Variants in RSRC1 observed in about 807,000 individuals in gnomAD.
The protein encoded by RSRC1 is arginine and serine rich coiled-coil 1.
RSRC1 carries 39 observed loss-of-function variants against 49.1 expected under a neutral mutation model. The observed-to-expected ratio is 0.79, with a 90% CI of 0.61 to 1.04. The LOEUF (loss-of-function observed/expected upper bound fraction) is 1.04. Ranked by LOEUF, RSRC1 falls within the 50% of genes least tolerant of loss-of-function variation. The pLI, the probability that RSRC1 is intolerant of heterozygous loss-of-function variation, is 0.00. For synonymous variants in RSRC1, 143 were observed against 130.8 expected (o/e 1.09, Z -0.63); for missense variants, 388 against 402.4 (o/e 0.96, Z 0.31).
chr3:158,335,330 G>T (rs6807211), intron 5 of RSRC1, among the ~76,000 whole-genome samples: 8,461 of 152,134 alleles, frequency 0.056, 795 homozygotes, highest in African/African-American at 0.2. Context: ...AGAGGGTTTG[G>T]CATGAGTGAA....
At chr3:158,146,658 A>G (rs1304215380) in intron 3 of RSRC1, among the ~76,000 whole-genome samples, 1 of 152,206 alleles carries the variant, frequency 6.6e-6, no homozygotes. Context: ...TGAGTTAGGC[A>G]GGATTCCCTC....
chr3:158,309,687 T>A (rs1728025983), intron 5 of RSRC1, among the ~76,000 whole-genome samples: 1 of 151,750 alleles, frequency 6.6e-6, no homozygotes, highest in African/African-American at 2.4e-5. Flanking sequence ...AATGCATAAT[T>A]TTATTTATAT....
chr3:158,283,153 G>T (rs995176507), intron 4 of RSRC1, among the ~76,000 whole-genome samples: 3 of 152,222 alleles, frequency 2.0e-5, no homozygotes, highest in African/African-American at 7.2e-5. Flanking sequence ...GAAAAAAAAT[G>T]TAGACAAGGT....
chr3:158,536,129 C>T (rs865825650), intron 7 of RSRC1, among the ~76,000 whole-genome samples: 3 of 151,412 alleles, frequency 2.0e-5, no homozygotes, highest in African/African-American at 2.4e-5. Context: ...AAGTAGGAAA[C>T]GTGCATCCTG....
At chr3:158,492,379 C>T (rs1739120764) in intron 7 of RSRC1, among the ~76,000 whole-genome samples, 1 of 152,078 alleles carries the variant, frequency 6.6e-6, no homozygotes, top group African/African-American at 2.4e-5. Context: ...GTTTTTAAAG[C>T]CATAATATAT....
intron 5 of RSRC1, among the ~76,000 whole-genome samples, chr3:158,300,884 C>T (rs1404249264): frequency 6.6e-6 from 1 of 151,978 alleles, no homozygotes; most frequent in Non-Finnish European, 1.5e-5. Flanking sequence ...CATAGTTGCC[C>T]TGTTTTTGTG....
At chr3:158,134,239 T>A (rs1201645640) in intron 3 of RSRC1, among the ~76,000 whole-genome samples, 1 of 151,712 alleles carries the variant, frequency 6.6e-6, no homozygotes, top group Admixed American at 6.5e-5. Context: ...GACTGAAGAC[T>A]CTTTAATGAT....
At position 158,289,075 on chromosome 3, in the gene RSRC1, G is replaced by T. The variant is rs568040366; in HGVS notation, c.495-8964G>T. On this transcript the variant is annotated intron_variant, in intron 4 of 9. Coordinates refer to ENST00000611884, the MANE Select transcript of RSRC1 (RefSeq NM_001271838.2). ...AGGGAGCTCAGCAAATAACATTTCT[G>T]TTGTACTTCTTTCACCTTGACATTT... Among the ~76,000 whole-genome samples, 6 of 152,130 alleles carry T rather than the reference G, an allele frequency of 3.9e-5. No individual in the cohort carries two copies. In the East Asian group the frequency reaches 9.6e-4, roughly 24 times the overall value.
intron 7 of RSRC1, among the ~76,000 whole-genome samples, chr3:158,521,755 C>T (rs569457108): frequency 1.5e-4 from 23 of 152,180 alleles, no homozygotes; most frequent in African/African-American, 5.1e-4. Context: ...TTAGTAAAAA[C>T]AAATTAATGG....
intron 6 of RSRC1, among the ~76,000 whole-genome samples, chr3:158,427,875 T>C (rs888366270): frequency 1.3e-5 from 2 of 151,800 alleles, no homozygotes; most frequent in African/African-American, 4.8e-5. Context: ...ATATTATTGC[T>C]TTTTTCTATT....
At chr3:158,353,087 A>G (rs749295479) in intron 5 of RSRC1, among the ~76,000 whole-genome samples, 8 of 152,142 alleles carry the variant, frequency 5.3e-5, no homozygotes, top group African/African-American at 1.2e-4. Context: ...CTAATAACCA[A>G]TCAGTCCTTT....
At chr3:158,495,256 G>GT (rs1429438376) in intron 7 of RSRC1, among the ~76,000 whole-genome samples, 1 of 151,954 alleles carries the variant, frequency 6.6e-6, no homozygotes, top group Middle Eastern at 3.2e-3. Context: ...AATATGAATT[G>GT]TTTTTTGTTT....
chr3:158,224,975 G>C (rs1166133444), intron 4 of RSRC1, among the ~76,000 whole-genome samples: 1 of 151,828 alleles, frequency 6.6e-6, no homozygotes, highest in Non-Finnish European at 1.5e-5. Flanking sequence ...TGTGATAGTA[G>C]AAATACGGTA....
At chr3:158,300,930 T>C (rs111645497) in intron 5 of RSRC1, among the ~76,000 whole-genome samples, 1 of 152,182 alleles carries the variant, frequency 6.6e-6, no homozygotes, top group Non-Finnish European at 1.5e-5. Context: ...TATATAGTTA[T>C]ATGTAACCCT....
At chr3:158,511,999 A>T (rs1229909913) in intron 7 of RSRC1, among the ~76,000 whole-genome samples, 9 of 148,096 alleles carry the variant, frequency 6.1e-5, no homozygotes, top group Non-Finnish European at 1.2e-4. Flanking sequence ...GTTGGAGTTC[A>T]TTGTAGATTC....
intron 7 of RSRC1, among the ~76,000 whole-genome samples, chr3:158,497,528 C>T (rs1487535200): frequency 6.6e-6 from 1 of 151,824 alleles, no homozygotes; most frequent in African/African-American, 2.4e-5. Flanking sequence ...CCTCTGCCCC[C>T]CGGGTTCAAG....
At chr3:158,464,765 T>C (rs1414125349) in intron 7 of RSRC1, among the ~76,000 whole-genome samples, 1 of 152,170 alleles carries the variant, frequency 6.6e-6, no homozygotes, top group East Asian at 1.9e-4. Context: ...ATTAACTGTC[T>C]TAATCATCAT....
chr3:158,185,514 A>C (rs1387044925), intron 3 of RSRC1, among the ~76,000 whole-genome samples: 1 of 151,912 alleles, frequency 6.6e-6, no homozygotes, highest in Non-Finnish European at 1.5e-5. Context: ...TAGCCAACTA[A>C]TGAAATTATT....
chr3:158,275,455 C>A (rs1262200175), intron 4 of RSRC1, among the ~76,000 whole-genome samples: 2 of 152,168 alleles, frequency 1.3e-5, no homozygotes, highest in Non-Finnish European at 1.5e-5. Flanking sequence ...CAGAGCATTG[C>A]CATCATCCCA....
Sources: gnomAD v4.1 joint callset for allele counts (sites outside exome capture counted in the v4.1 genomes callset) on GRCh38, gnomAD v4.1.1 for gene constraint, MANE v1.5 for transcripts, NCBI Gene and HGNC (gene_info 2026-07-23, HGNC 2026-07-21) for gene names.